Variants in DNMT3B observed in about 807,000 individuals in gnomAD.
DNMT3B encodes DNA (cytosine-5)-methyltransferase 3B.
Under a neutral mutation model 120.2 loss-of-function variants are expected in DNMT3B, and 37 were observed. The ratio of observed to expected loss-of-function variants is 0.31; its 90% CI spans 0.24 to 0.40. The LOEUF (loss-of-function observed/expected upper bound fraction) is 0.40. Ranked by LOEUF, DNMT3B falls within the 10% of genes least tolerant of loss-of-function variation. The pLI is 1.00. For synonymous variants in DNMT3B, 412 were observed against 442.8 expected (o/e 0.93, Z 0.87); for missense variants, 878 against 1,137.3 (o/e 0.77, Z 3.28).
intron 6 of DNMT3B, among the ~76,000 whole-genome samples, 175 bp from the exon 7 acceptor site, chr20:32,788,679 C>A (rs940708783): frequency 2.6e-5 from 4 of 152,156 alleles, no homozygotes; most frequent in African/African-American, 9.7e-5. Flanking sequence ...CTCAAGCGAT[C>A]CCCCTGCCTC....
Position 32,780,448 on chromosome 20 carries a change from G to C in DNMT3B, c.125G>C (p.Arg42Pro). The C allele has an allele frequency of 6.2e-7, 1 of 1,613,042 alleles. No homozygotes were observed. ...SDSPPILEAI[R>P]TPEIRGRRSS... is the part of the protein sequence containing the mutation. ...TCGCCCCCAATCCTGGAGGCTATCC[G>C]CACCCCGGAGATCAGAGGTGGCTGG... Residue 42 changes from arginine to proline, a missense_variant, in exon 2 of 23, where the codon CGC becomes CCC. By Grantham distance (103) the Arg-to-Pro change is moderately radical. This residue lies in a region of DNMT3B where 287 missense variants were observed against 306.2 expected (regional missense o/e 0.94). Transcript: ENST00000328111.
In DNMT3B at chr20:32,801,295, T is replaced by C; in HGVS notation, c.2014T>C (p.Phe672Leu). 1 of 1,614,196 alleles carries C rather than the reference T, an allele frequency of 6.2e-7. No individual in the cohort carries two copies. Among genetic ancestry groups the C allele is most frequent in the Non-Finnish European group, 8.5e-7 (1 of 1,180,036 alleles). The change falls in exon 19 of 23, where the codon TTC (phenylalanine) becomes CTC (leucine). Residue 672 changes from phenylalanine to leucine, a missense_variant. Phe to Leu is a conservative substitution (Grantham distance 22). This residue lies in a region of DNMT3B where 334 missense variants were observed against 518.8 expected (regional missense o/e 0.64). Coordinates refer to ENST00000328111, the MANE Select transcript of DNMT3B (RefSeq NM_006892.4). ...GAGCACAGAGGGTACAGGCCGGCTCTTCTTCGAATTTTACCACCTGCTGAA... is the reference window on the plus strand; with the variant it reads ...GAGCACAGAGGGTACAGGCCGGCTCCTCTTCGAATTTTACCACCTGCTGAA... ...KGLYEGTGRL[F>L]FEFYHLLNYS... is the part of the protein sequence containing the mutation.
At chr20:32,788,325 C>T (rs1470225640) in intron 6 of DNMT3B, among the ~76,000 whole-genome samples, 1 of 152,178 alleles carries the variant, frequency 6.6e-6, no homozygotes, top group African/African-American at 2.4e-5. Flanking sequence ...AGGTTCATGT[C>T]TGGATAATAA....
At chr20:32,781,256 C>A in intron 2 of DNMT3B, 97 bp from the exon 3 acceptor site, 1 of 1,310,648 alleles carries the variant, frequency 7.6e-7, no homozygotes, top group Non-Finnish European at 1.1e-6. Context: ...AGGGGAGATC[C>A]CAGGCCACGC....
intron 3 of DNMT3B, 118 bp downstream of exon 3, chr20:32,781,532 C>A: frequency 2.8e-6 from 3 of 1,059,932 alleles, no homozygotes; most frequent in African/African-American, 1.6e-5. Flanking sequence ...GGTTGCCGAG[C>A]TAGATGCTTT....
At chr20:32,791,324 C>T (rs929138905) in intron 7 of DNMT3B, among the ~76,000 whole-genome samples, 3 of 152,166 alleles carry the variant, frequency 2.0e-5, no homozygotes, top group African/African-American at 4.8e-5. Flanking sequence ...ACACAGGGTT[C>T]GCCTAATTGC....
intron 3 of DNMT3B, among the ~76,000 whole-genome samples, chr20:32,784,448 G>A (rs1370034023): frequency 6.6e-6 from 1 of 152,240 alleles, no homozygotes; most frequent in Admixed American, 6.5e-5. Context: ...GAAGGCAAGT[G>A]CTTAACACTC....
chr20:32,772,874 A>ATTT (rs397960769), intron 1 of DNMT3B, among the ~76,000 whole-genome samples: 23,452 of 129,268 alleles, frequency 0.18, 2,599 homozygotes, highest in East Asian at 0.36. Context: ...GTTTGGACAC[A>ATTT]TTTTTTTTTT....
intron 12 of DNMT3B, among the ~76,000 whole-genome samples, chr20:32,796,129 A>T (rs6119964): frequency 0.041 from 6,186 of 152,182 alleles, 421 homozygotes; most frequent in African/African-American, 0.14. Flanking sequence ...ATGTGTGAGG[A>T]TGAAGTCTCC....
In DNMT3B at chr20:32,784,871, C is replaced by T. The variant is rs377546958; in HGVS notation, c.306+12C>T. The T allele has an allele frequency of 3.7e-5, 60 of 1,613,766 alleles. No homozygotes were observed. Among genetic ancestry groups the T allele is most frequent in the Non-Finnish European group, 4.2e-5 (49 of 1,179,886 alleles). ...CAGAAAGCCCAGCTGTAAGTAGCCA[C>T]ACCTCGAGCCAAAGCACTTGTGGCC... On this transcript the variant is annotated intron_variant, in intron 4 of 22. Coordinates refer to ENST00000328111, the MANE Select transcript of DNMT3B (RefSeq NM_006892.4).
chr20:32,786,466 A>AC, intron 4 of DNMT3B, 36 bp from the exon 5 acceptor site: 1 of 1,613,650 alleles, frequency 6.2e-7, no homozygotes, highest in Non-Finnish European at 8.5e-7. Context: ...GCCTCCAGTC[A>AC]CCTAAGGCCC....
chr20:32,781,759 G>T (rs377725387), intron 3 of DNMT3B, among the ~76,000 whole-genome samples: 3 of 152,356 alleles, frequency 2.0e-5, no homozygotes, highest in South Asian at 4.1e-4. Flanking sequence ...CTGGTAGCAT[G>T]ATGGAATCTT....
chr20:32,800,251 G>A lies in DNMT3B; in HGVS notation c.1858G>A (p.Gly620Arg), dbSNP rs932308287. The A allele has an allele frequency of 7.4e-6, 12 of 1,614,082 alleles. No homozygotes were observed. The highest frequency in any genetic ancestry group is 5.3e-5 in the African/African-American group (4 of 74,930). The change falls in exon 17 of 23, where the codon GGG (glycine) becomes AGG (arginine). Residue 620 changes from glycine to arginine, a missense_variant. By Grantham distance (125) the Gly-to-Arg change is moderately radical (BLOSUM62 -2). Around this residue, in one of 4 missense-constraint regions of DNMT3B, gnomAD observed 334 missense variants for 518.8 expected, o/e 0.64. Coordinates refer to ENST00000328111, the MANE Select transcript of DNMT3B (RefSeq NM_006892.4). ...TGCTGTTGGAACCGTGAAGCACGAGGGGAATATCAAATACGTGAACGACGT... is the reference window on the plus strand; with the variant it reads ...TGCTGTTGGAACCGTGAAGCACGAGAGGAATATCAAATACGTGAACGACGT... Reference protein sequence around the residue: ...SIAVGTVKHEGNIKYVNDVRN... With the variant: ...SIAVGTVKHERNIKYVNDVRN...
intron 1 of DNMT3B, among the ~76,000 whole-genome samples, chr20:32,771,628 C>T (rs148518813): frequency 0.014 from 1,651 of 115,116 alleles, 38 homozygotes; most frequent in African/African-American, 0.059. Context: ...AGAGCAAGAC[C>T]GCATCTCAAA....
chr20:32,796,690 C>T, intron 12 of DNMT3B, 100 bp from the exon 13 acceptor site: 2 of 1,323,360 alleles, frequency 1.5e-6, no homozygotes, highest in Non-Finnish European at 2.2e-6. Flanking sequence ...TGGCAAGCTG[C>T]TGGCCTGGAG....
chr20:32,775,977 C>T lies in DNMT3B; in HGVS notation c.-6-4341C>T, dbSNP rs544208428. Reference sequence around the variant, plus strand: ...CAGACAGGCTGGGTGCAGTGGCTCACGCCTGTAATCCCAGGCCAAGGCGAG... The same window carrying T: ...CAGACAGGCTGGGTGCAGTGGCTCATGCCTGTAATCCCAGGCCAAGGCGAG... On this transcript the variant is annotated intron_variant, in intron 1 of 22. Coordinates refer to ENST00000328111, the MANE Select transcript of DNMT3B (RefSeq NM_006892.4). 1.1e-4 allele frequency among the ~76,000 whole-genome samples: 17 copies of T among 152,294 alleles called. No homozygotes were observed. In the South Asian group the frequency reaches 1.5e-3, roughly 13 times the overall value.
chr20:32,792,854 A>C (rs975536391), intron 9 of DNMT3B, 84 bp downstream of exon 9: 1 of 1,581,048 alleles, frequency 6.3e-7, no homozygotes, highest in Non-Finnish European at 8.6e-7. Context: ...CTGCTGCCCC[A>C]CACCCCACCC....
chr20:32,796,332 G>C (rs1980618096), intron 12 of DNMT3B, among the ~76,000 whole-genome samples: 1 of 152,196 alleles, frequency 6.6e-6, no homozygotes, highest in Non-Finnish European at 1.5e-5. Context: ...GCAACTCCAT[G>C]CTGACCTGGT....
At chr20:32,798,392 G>A (rs1568854040) in intron 14 of DNMT3B, 68 bp from the exon 15 acceptor site, 3 of 1,597,950 alleles carry the variant, frequency 1.9e-6, no homozygotes, top group South Asian at 1.1e-5. Flanking sequence ...CCCTGTGGAA[G>A]TGGTAAGGGG....
Sources: gnomAD v4.1 joint callset for allele counts (sites outside exome capture counted in the v4.1 genomes callset) on GRCh38, gnomAD v4.1.1 for gene constraint, gnomAD v4.1.1 regional missense constraint, MANE v1.5 for transcripts, NCBI Gene and HGNC (gene_info 2026-07-23, HGNC 2026-07-21) for gene names.